CNTN3: variants seen among roughly 807,000 people sequenced by gnomAD.
CNTN3 encodes the protein contactin 3.
Under a neutral mutation model 119.1 loss-of-function variants are expected in CNTN3, and 60 were observed. The observed-to-expected ratio is 0.50, with a 90% confidence interval of 0.41 to 0.62. CNTN3 has a LOEUF of 0.62. Among genes scored for constraint, CNTN3 ranks in the 20% least tolerant of loss-of-function variants. The pLI, the probability that CNTN3 is intolerant of heterozygous loss-of-function variation, is 0.00. For missense variants in CNTN3, 1,101 were observed against 1,242.4 expected (o/e 0.89, Z 1.71); for synonymous variants, 450 against 438.7 (o/e 1.03, Z -0.32).
chr3:74,501,003 C>T (rs145512547), intron 2 of CNTN3, among the ~76,000 whole-genome samples: 247 of 151,990 alleles, frequency 1.6e-3, no homozygotes, highest in African/African-American at 5.6e-3. Flanking sequence ...TTCCACAGTC[C>T]GTGCAGGGAT....
intron 4 of CNTN3, among the ~76,000 whole-genome samples, chr3:74,447,586 T>C (rs114797720): frequency 0.01 from 1,523 of 152,292 alleles, 16 homozygotes; most frequent in African/African-American, 0.03. Flanking sequence ...TAAGATGCTC[T>C]CCAAAACATG....
At position 74,271,185 on chromosome 3, in the gene CNTN3, C is replaced by T. The variant is rs118145552; in HGVS notation, c.2705-3807G>A. ...AAACTGGGAAGGTGGGAATATAAGA[C>T]ATGTCTATCCACAGGAAAATGGCTA... On this transcript the variant is annotated intron_variant, in intron 20 of 22. Coordinates refer to ENST00000263665, the MANE Select transcript of CNTN3 (RefSeq NM_020872.3). Among the ~76,000 whole-genome samples, 749 of 152,220 alleles carry T rather than the reference C, an allele frequency of 4.9e-3. 19 individuals are homozygous for T. In the East Asian group the frequency reaches 0.068, roughly 14 times the overall value.
At chr3:74,478,419 G>A (rs1187037707) in intron 4 of CNTN3, among the ~76,000 whole-genome samples, 1 of 152,122 alleles carries the variant, frequency 6.6e-6, no homozygotes, top group African/African-American at 2.4e-5. Flanking sequence ...GAGGCTGTCT[G>A]AACTGCAGGT....
chr3:74,307,853 T>A (rs372870782), intron 13 of CNTN3, among the ~76,000 whole-genome samples: 1 of 152,218 alleles, frequency 6.6e-6, no homozygotes, highest in African/African-American at 2.4e-5. Flanking sequence ...AAAAGAAGCA[T>A]AATTTTCCAG....
chr3:74,301,445 C>A lies in CNTN3; in HGVS notation c.2048G>T (p.Gly683Val). The A allele has an allele frequency of 6.2e-7, 1 of 1,614,086 alleles. No homozygotes were observed. Among genetic ancestry groups the A allele is most frequent in the African/African-American group, 1.3e-5 (1 of 75,030 alleles). ...FRVVASNKIG[G>V]GEPSLPSEKV... ...TTCTGAGGGTAAACTTGGTTCTCCA[C>A]CTCCAATTTTGTTACTGGCTACAAC... The change falls in exon 16 of 23, where the codon GGT becomes GTT. Residue 683 changes from glycine (G) to valine (V), a missense_variant. Gly to Val is a moderately radical substitution (Grantham distance 109). Transcript: ENST00000263665.
chr3:74,355,867 T>C (rs568909118), intron 11 of CNTN3, among the ~76,000 whole-genome samples: 76 of 152,172 alleles, frequency 5.0e-4, no homozygotes, highest in Non-Finnish European at 9.3e-4. Context: ...CGGTATACAC[T>C]GTCATTGACA....
chr3:74,465,989 T>C (rs1415301617), intron 4 of CNTN3, among the ~76,000 whole-genome samples: 2 of 152,134 alleles, frequency 1.3e-5, no homozygotes, highest in African/African-American at 4.8e-5. Flanking sequence ...GCTAGGACTA[T>C]AGCCAATTTA....
At chr3:74,439,274 A>C (rs1701921559) in intron 4 of CNTN3, among the ~76,000 whole-genome samples, 2 of 152,166 alleles carry the variant, frequency 1.3e-5, no homozygotes, top group Non-Finnish European at 1.5e-5. Context: ...TGGGAGGCCA[A>C]GGTAGGCAGA....
intron 8 of CNTN3, 92 bp downstream of exon 8, chr3:74,369,097 C>G (rs1704271611): frequency 1.1e-6 from 1 of 881,936 alleles, no homozygotes; most frequent in South Asian, 3.3e-5. Flanking sequence ...CATTGGGATT[C>G]TGCTATAATC....
rs367836381 is a variant in CNTN3, at chr3:74,483,042, C to T, written c.358+3414G>A. On this transcript the variant is annotated intron_variant, in intron 4 of 22. Coordinates refer to ENST00000263665, the MANE Select transcript of CNTN3 (RefSeq NM_020872.3). ...TTATCTTTCCAGTCCAATGTGGTGTCAGGTGAAGAATACCCAATGTTGCTT... is the reference window on the plus strand; with the variant it reads ...TTATCTTTCCAGTCCAATGTGGTGTTAGGTGAAGAATACCCAATGTTGCTT... Among the ~76,000 whole-genome samples the T allele has an allele frequency of 5.3e-5, 8 of 152,084 alleles. No homozygotes were observed. In the East Asian group the frequency reaches 5.8e-4, roughly 11 times the overall value.
At chr3:74,404,451 T>C (rs1395640912) in intron 5 of CNTN3, among the ~76,000 whole-genome samples, 2 of 152,140 alleles carry the variant, frequency 1.3e-5, no homozygotes, top group Non-Finnish European at 2.9e-5. Context: ...AAATCACTTC[T>C]ATGCTTATCT....
At chr3:74,516,085 C>A (rs1703445910) in intron 2 of CNTN3, among the ~76,000 whole-genome samples, 1 of 151,892 alleles carries the variant, frequency 6.6e-6, no homozygotes, top group Admixed American at 6.6e-5. Context: ...CAGCTGAAAA[C>A]CCCCTAGATG....
intron 5 of CNTN3, among the ~76,000 whole-genome samples, chr3:74,374,079 G>A (rs761988617): frequency 6.6e-6 from 1 of 152,042 alleles, no homozygotes; most frequent in Admixed American, 6.6e-5. Context: ...ATGCTGGCTC[G>A]TTCCTGCCCC....
intron 4 of CNTN3, among the ~76,000 whole-genome samples, chr3:74,425,513 G>A (rs1701682250): frequency 6.6e-6 from 1 of 152,108 alleles, no homozygotes; most frequent in Non-Finnish European, 1.5e-5. Flanking sequence ...TGCTGAAATA[G>A]TGTCTAAAAT....
chr3:74,598,745 A>G (rs1445104816), intron 1 of CNTN3, among the ~76,000 whole-genome samples: 3 of 152,098 alleles, frequency 2.0e-5, no homozygotes, highest in Non-Finnish European at 4.4e-5. Flanking sequence ...TTCTAGTAAT[A>G]TCAACCATTT....
chr3:74,396,561 A>G (rs1219225357), intron 5 of CNTN3, among the ~76,000 whole-genome samples: 1 of 146,532 alleles, frequency 6.8e-6, no homozygotes, highest in African/African-American at 2.5e-5. Context: ...CCTGGCTAAC[A>G]CGGTGAAACA....
At chr3:74,469,767 G>A (rs966371816) in intron 4 of CNTN3, among the ~76,000 whole-genome samples, 2 of 152,102 alleles carry the variant, frequency 1.3e-5, no homozygotes, top group Non-Finnish European at 2.9e-5. Context: ...AAATCGGTGC[G>A]GTGACTTTAG....
chr3:74,426,481 G>A (rs895742003), intron 4 of CNTN3, among the ~76,000 whole-genome samples: 1 of 152,082 alleles, frequency 6.6e-6, no homozygotes, highest in Non-Finnish European at 1.5e-5. Flanking sequence ...TAGACACTTA[G>A]GGATACTCTA....
intron 11 of CNTN3, among the ~76,000 whole-genome samples, chr3:74,337,845 T>A (rs568199263): frequency 5.5e-4 from 83 of 152,100 alleles, no homozygotes; most frequent in African/African-American, 2.0e-3. Context: ...GGTGATACAA[T>A]AGAGAGTAAT....
Sources: gnomAD v4.1 joint callset for allele counts (sites outside exome capture counted in the v4.1 genomes callset) on GRCh38, gnomAD v4.1.1 for gene constraint, MANE v1.5 for transcripts, NCBI Gene and HGNC (gene_info 2026-07-23, HGNC 2026-07-21) for gene names.